The following FHIT variants were observed in gnomAD, a reference collection of about 807,000 sequenced individuals.
FHIT encodes bis(5'-adenosyl)-triphosphatase.
A neutral mutation model predicts 17.9 loss-of-function variants in FHIT; 19 were observed. The ratio of observed to expected loss-of-function variants is 1.06; its 90% CI spans 0.74 to 1.56. The LOEUF is 1.56. Ranked by LOEUF, FHIT falls within the 40% of genes most tolerant of loss-of-function variation. The pLI, the probability that FHIT is intolerant of heterozygous loss-of-function variation, is 0.00. For synonymous variants in FHIT, 81 were observed against 69.7 expected (o/e 1.16, Z -0.81); for missense variants, 248 against 189.2 (o/e 1.31, Z -1.82).
chr3:60,402,265 A>G (rs1157115428), intron 5 of FHIT, among the ~76,000 whole-genome samples: 1 of 152,200 alleles, frequency 6.6e-6, no homozygotes, highest in Non-Finnish European at 1.5e-5. Context: ...TAAGAATAAC[A>G]TGCAGTCAGT....
intron 5 of FHIT, among the ~76,000 whole-genome samples, chr3:60,509,573 A>G (rs1271954305): frequency 6.6e-6 from 1 of 151,660 alleles, no homozygotes; most frequent in East Asian, 1.9e-4. Flanking sequence ...TTATTGCCTT[A>G]GCCTACCACT....
chr3:60,360,093 T>C (rs758171170), intron 5 of FHIT, among the ~76,000 whole-genome samples: 1 of 151,718 alleles, frequency 6.6e-6, no homozygotes, highest in Non-Finnish European at 1.5e-5. Flanking sequence ...TAGGTGCATC[T>C]ACCATTTCTA....
At chr3:60,120,161 A>G (rs1705181870) in intron 5 of FHIT, among the ~76,000 whole-genome samples, 1 of 152,150 alleles carries the variant, frequency 6.6e-6, no homozygotes, top group Non-Finnish European at 1.5e-5. Flanking sequence ...CATTCCCACA[A>G]TATACAGCAC....
rs10637442 is a variant in FHIT at position 59,828,843 on chromosome 3, C to CTGTGTGTGTGTGTGTGTGTGTG, written c.349-76523_349-76522insCACACACACACACACACACACA. 4.8e-5 allele frequency among the ~76,000 whole-genome samples: 7 copies of CTGTGTGTGTGTGTGTGTGTGTG among 146,782 alleles called. No homozygotes were observed. The South Asian group carries it at 8.7e-4, about 18-fold the overall frequency. ...TTTTGTTTTTTTAACCAATGGTACT[C>CTGTGTGTGTGTGTGTGTGTGTG]TCTCTGTGTGTGTGTGTGTGTGTGT... On this transcript the variant is annotated intron_variant, in intron 8 of 9. Transcript: ENST00000492590.
At chr3:60,890,949 T>C (rs945932892) in intron 3 of FHIT, among the ~76,000 whole-genome samples, 1 of 152,196 alleles carries the variant, frequency 6.6e-6, no homozygotes, top group Non-Finnish European at 1.5e-5. Flanking sequence ...CACACATCAA[T>C]GGCATGAGCT....
chr3:60,286,278 G>A (rs750955513), intron 5 of FHIT, among the ~76,000 whole-genome samples: 2 of 152,160 alleles, frequency 1.3e-5, no homozygotes, highest in Non-Finnish European at 2.9e-5. Context: ...TTTTTCTATT[G>A]TATCATTTTC....
At chr3:60,569,807 A>C (rs2037311198) in intron 4 of FHIT, among the ~76,000 whole-genome samples, 1 of 136,970 alleles carries the variant, frequency 7.3e-6, no homozygotes, top group Non-Finnish European at 1.5e-5. Context: ...GCTGGAGTGC[A>C]ACGGCACAAT....
intron 4 of FHIT, among the ~76,000 whole-genome samples, chr3:60,546,100 A>AT (rs140078762): frequency 0.073 from 10,996 of 151,524 alleles, 483 homozygotes; most frequent in Middle Eastern, 0.11. Flanking sequence ...GTTCTCTTGA[A>AT]TTTTTTTTTA....
chr3:60,483,700 T>A (rs536888591), intron 5 of FHIT, among the ~76,000 whole-genome samples: 4 of 152,144 alleles, frequency 2.6e-5, no homozygotes, highest in Non-Finnish European at 5.9e-5. Flanking sequence ...GAGCTACTTA[T>A]GAAAAACCCA....
intron 7 of FHIT, among the ~76,000 whole-genome samples, chr3:59,990,368 A>G (rs938910787): frequency 1.3e-5 from 2 of 152,014 alleles, no homozygotes; most frequent in African/African-American, 2.4e-5. Flanking sequence ...GTGGATTTGT[A>G]TCAGTTGCTG....
chr3:60,840,470 A>G (rs1213303216), intron 3 of FHIT, among the ~76,000 whole-genome samples: 1 of 152,184 alleles, frequency 6.6e-6, no homozygotes, highest in Non-Finnish European at 1.5e-5. Flanking sequence ...AGTTATTCCT[A>G]CAAAGTCCCC....
intron 4 of FHIT, among the ~76,000 whole-genome samples, chr3:60,755,135 A>C (rs1357323891): frequency 6.6e-6 from 1 of 152,012 alleles, no homozygotes. Context: ...AGGTCCATCT[A>C]CTCTGTATTC....
At chr3:60,913,899 C>A (rs1266449829) in intron 3 of FHIT, among the ~76,000 whole-genome samples, 1 of 152,220 alleles carries the variant, frequency 6.6e-6, no homozygotes, top group Non-Finnish European at 1.5e-5. Flanking sequence ...TGGCACCAGG[C>A]TCCAAGACAG....
chr3:60,679,887 A>T (rs1264535175), intron 4 of FHIT, among the ~76,000 whole-genome samples: 2 of 152,130 alleles, frequency 1.3e-5, no homozygotes, highest in Non-Finnish European at 2.9e-5. Context: ...CATTTTCAAA[A>T]CATCTTTACT....
intron 7 of FHIT, among the ~76,000 whole-genome samples, chr3:59,993,297 C>A (rs1272430675): frequency 6.6e-6 from 1 of 152,074 alleles, no homozygotes; most frequent in Non-Finnish European, 1.5e-5. Flanking sequence ...GAGTCTCACA[C>A]ACCTTCTTCA....
chr3:60,496,410 T>G (rs1305684350), intron 5 of FHIT, among the ~76,000 whole-genome samples: 1 of 152,214 alleles, frequency 6.6e-6, no homozygotes, highest in Non-Finnish European at 1.5e-5. Flanking sequence ...TTTACTCCAC[T>G]GGATAATTGG....
intron 4 of FHIT, among the ~76,000 whole-genome samples, chr3:60,699,785 A>G (rs541602032): frequency 4.0e-5 from 6 of 150,594 alleles, no homozygotes; most frequent in African/African-American, 1.5e-4. Flanking sequence ...ACACACATAC[A>G]CACACACAAT....
intron 1 of FHIT, among the ~76,000 whole-genome samples, chr3:61,227,100 G>C (rs553413265): frequency 2.6e-5 from 4 of 152,290 alleles, no homozygotes; most frequent in South Asian, 4.1e-4. Flanking sequence ...AGAAGTATTA[G>C]AGCAGCCAGA....
In FHIT at chr3:60,100,063, C is replaced by A. The variant is rs141314064; in HGVS notation, c.104-85911G>T. ...CCCCCTTTCTTCACTGTGAGTGCTG[C>A]CCTGACCCTGACAATCAGGTCAACT... On this transcript the variant is annotated intron_variant, in intron 5 of 9. Transcript: ENST00000492590. 3.3e-5 allele frequency among the ~76,000 whole-genome samples: 5 copies of A among 152,214 alleles called. No individual in the cohort carries two copies. The East Asian group carries it at 7.7e-4, about 24-fold the overall frequency.
Sources: allele counts gnomAD v4.1 joint callset (sites outside exome capture counted in the v4.1 genomes callset), GRCh38; gene constraint gnomAD v4.1.1; transcripts MANE v1.5; gene names NCBI Gene and HGNC (gene_info 2026-07-23, HGNC 2026-07-21).